The following ANK3 variants were observed in gnomAD, a reference collection of about 807,000 sequenced individuals.
The protein encoded by ANK3 is ankyrin 3, also known as ankyrin-3.
In ANK3, 57 loss-of-function variants were observed where a neutral mutation model predicts 370.9. The observed-to-expected ratio is 0.15, with a 90% CI of 0.12 to 0.19. The LOEUF (loss-of-function observed/expected upper bound fraction) is 0.19, where lower values mean the gene tolerates loss of function less well. Among genes scored for constraint, ANK3 ranks in the 10% least tolerant of loss-of-function variants. The probability of loss-of-function intolerance (pLI) is 1.00; values close to 1 mark genes in which losing one functional copy is unlikely to be tolerated. For synonymous variants in ANK3, 1,929 were observed against 1,946.3 expected, an observed-to-expected ratio of 0.99 and a Z score of 0.23; for missense variants, 4,439 against 5,302.1, an observed-to-expected ratio of 0.84 and a Z score of 5.06.
In ANK3 at chr10:60,072,643, G is replaced by A. The variant is rs1418110098; in HGVS notation, c.8238C>T (p.Ile2746=). The A allele has an allele frequency of 6.2e-7, 1 of 1,613,884 alleles. No homozygotes were observed. Among genetic ancestry groups the A allele is most frequent in the Admixed American group, 1.7e-5 (1 of 59,974 alleles). The stretch of plus-strand genomic sequence containing the variant: ...TGCTCTCCTGTATTTTTTTAACTGG[G>A]ATTCTGGACTGGCCATCTGACTTTC... The part of the protein sequence containing the change: ...EDRKSDGQSR[I]PVKKIQESKL... Residue 2746 remains isoleucine, a synonymous_variant, in exon 37 of 44, where the codon ATC becomes ATT. Coordinates refer to ENST00000280772, the MANE Select transcript of ANK3 (RefSeq NM_020987.5).
At chr10:60,408,100 C>T (rs920293250) in intron 2 of ANK3, among the ~76,000 whole-genome samples, 7 of 152,188 alleles carry the variant, frequency 4.6e-5, no homozygotes, top group African/African-American at 1.7e-4. Flanking sequence ...TGGAATAAAT[C>T]CATGGAAGGC....
chr10:60,254,874 G>A (rs572483474), intron 7 of ANK3, among the ~76,000 whole-genome samples: 63 of 152,276 alleles, frequency 4.1e-4, no homozygotes, highest in African/African-American at 1.5e-3. Flanking sequence ...TGGACAGGAA[G>A]GCCAAGAAGT....
intron 2 of ANK3, among the ~76,000 whole-genome samples, chr10:60,526,746 C>T (rs887182524): frequency 6.6e-5 from 10 of 152,012 alleles, no homozygotes; most frequent in African/African-American, 2.4e-4. Context: ...TAGAAAAAGA[C>T]TAGTATGAAG....
chr10:60,408,369 G>A (rs2063495535), intron 2 of ANK3, among the ~76,000 whole-genome samples: 1 of 152,100 alleles, frequency 6.6e-6, no homozygotes, highest in Non-Finnish European at 1.5e-5. Context: ...TTGTACTGTA[G>A]GTGAGTGCAT....
chr10:60,384,036 C>T (rs7896287), intron 1 of ANK3, among the ~76,000 whole-genome samples: 16,263 of 152,212 alleles, frequency 0.11, 963 homozygotes, highest in South Asian at 0.15. Flanking sequence ...CAAGTTCAAG[C>T]CTAGGTCCAC....
chr10:60,416,231 A>G (rs1218491642), intron 2 of ANK3, among the ~76,000 whole-genome samples: 1 of 152,006 alleles, frequency 6.6e-6, no homozygotes, highest in Non-Finnish European at 1.5e-5. Context: ...TGATCCACCT[A>G]GTTTGTGGAA....
At chr10:60,493,033 T>C (rs2075561070) in intron 2 of ANK3, among the ~76,000 whole-genome samples, 1 of 148,996 alleles carries the variant, frequency 6.7e-6, no homozygotes, top group African/African-American at 2.5e-5. Flanking sequence ...TGAGCCAAGA[T>C]TGTGTCACTG....
chr10:60,231,389 T>C (rs931086206), intron 8 of ANK3, among the ~76,000 whole-genome samples: 1 of 152,154 alleles, frequency 6.6e-6, no homozygotes, highest in African/African-American at 2.4e-5. Context: ...TGAAATCCAG[T>C]GATGCTTTCC....
chr10:60,656,385 G>A (rs1039158883), intron 1 of ANK3, among the ~76,000 whole-genome samples: 3 of 151,744 alleles, frequency 2.0e-5, no homozygotes, highest in African/African-American at 7.3e-5. Flanking sequence ...GGTAATCTGT[G>A]TCCTCTCTAT....
At chr10:60,697,380 C>G (rs2079475358) in intron 1 of ANK3, among the ~76,000 whole-genome samples, 1 of 151,642 alleles carries the variant, frequency 6.6e-6, no homozygotes, top group Admixed American at 6.6e-5. Context: ...CAATGACTTT[C>G]TTCACAGAAT....
At chr10:60,085,883 G>A (rs189315566) in intron 30 of ANK3, among the ~76,000 whole-genome samples, 1,953 of 152,220 alleles carry the variant, frequency 0.013, 30 homozygotes, top group African/African-American at 0.043. Context: ...CCAAAGTGCT[G>A]GGATTACAGG....
intron 6 of ANK3, among the ~76,000 whole-genome samples, chr10:60,262,409 G>C (rs571573512): frequency 2.0e-5 from 3 of 152,092 alleles, no homozygotes; most frequent in Non-Finnish European, 2.9e-5. Flanking sequence ...AGCAGTTTTG[G>C]GGGGAAGACG....
At chr10:60,416,546 G>C (rs1057215369) in intron 2 of ANK3, among the ~76,000 whole-genome samples, 1 of 152,336 alleles carries the variant, frequency 6.6e-6, no homozygotes, top group Middle Eastern at 3.4e-3. Context: ...TGCTTGGTGA[G>C]TTGTGGGGAG....
At chr10:60,101,043 G>C (rs546090403) in intron 28 of ANK3, among the ~76,000 whole-genome samples, 3 of 152,252 alleles carry the variant, frequency 2.0e-5, no homozygotes, top group African/African-American at 7.2e-5. Flanking sequence ...TCAGCCTCCT[G>C]AGTAGCTGGG....
intron 8 of ANK3, among the ~76,000 whole-genome samples, chr10:60,231,738 C>T (rs1000275804): frequency 2.6e-5 from 4 of 152,198 alleles, no homozygotes; most frequent in African/African-American, 9.6e-5. Flanking sequence ...TATAATTTCT[C>T]CCATTTAGTC....
chr10:60,033,514 C>CAA (rs537623584), intron 43 of ANK3, among the ~76,000 whole-genome samples: 2,324 of 50,522 alleles, frequency 0.046, 212 homozygotes, highest in African/African-American at 0.15. Context: ...GACTCAGTCT[C>CAA]AAAAAAAAAA....
chr10:60,579,793 C>CT (rs1260654098), intron 2 of ANK3, among the ~76,000 whole-genome samples: 3 of 152,224 alleles, frequency 2.0e-5, no homozygotes, highest in South Asian at 4.1e-4. Context: ...GACGTCAATC[C>CT]TTTTATAATT....
chr10:60,431,781 A>G (rs938461952), intron 2 of ANK3, among the ~76,000 whole-genome samples: 1 of 152,186 alleles, frequency 6.6e-6, no homozygotes, highest in Non-Finnish European at 1.5e-5. Context: ...CATGTATCCC[A>G]GAACTTAAAG....
intron 43 of ANK3, among the ~76,000 whole-genome samples, chr10:60,034,513 C>T (rs984585689): frequency 6.6e-6 from 1 of 152,172 alleles, no homozygotes; most frequent in African/African-American, 2.4e-5. Context: ...AAATTGTTTT[C>T]CAACTTCATT....
Sources: gnomAD v4.1 joint callset for allele counts (sites outside exome capture counted in the v4.1 genomes callset) on GRCh38, gnomAD v4.1.1 for gene constraint, MANE v1.5 for transcripts, NCBI Gene and HGNC (gene_info 2026-07-23, HGNC 2026-07-21) for gene names.